Variants in DENND4C observed in about 807,000 individuals in gnomAD.
The protein encoded by DENND4C is DENN domain-containing protein 4C.
A neutral mutation model predicts 203.0 loss-of-function variants in DENND4C; 108 were observed. The ratio of observed to expected loss-of-function variants is 0.53; its 90% CI spans 0.46 to 0.62. DENND4C has a LOEUF of 0.62. DENND4C is among the 20% of genes least tolerant of loss of function. The pLI is 0.00. For missense variants in DENND4C, 2,481 were observed against 2,301.2 expected (o/e 1.08, Z -1.60); for synonymous variants, 871 against 792.4 (o/e 1.10, Z -1.67).
At chr9:19,289,074 G>T (rs2131136973) in intron 4 of DENND4C, among the ~76,000 whole-genome samples, 1 of 152,264 alleles carries the variant, frequency 6.6e-6, no homozygotes, top group Middle Eastern at 3.4e-3. Context: ...GAAACCACAT[G>T]TTACTTGCCA....
Position 19,346,321 on chromosome 9 carries a change from C to G in DENND4C, c.3552C>G (p.Ser1184Arg), listed in dbSNP as rs1205276145. The change falls in exon 23 of 33, where the codon AGC (serine) becomes AGG (arginine). Residue 1184 changes from serine (S) to arginine (R), a missense_variant. Ser to Arg is a moderately radical substitution (Grantham distance 110). Around this residue, in one of 3 missense-constraint regions of DENND4C, gnomAD observed 2,289 missense variants for 2,113.3 expected, o/e 1.08. Coordinates refer to ENST00000434457, the MANE Select transcript of DENND4C (RefSeq NM_001330640.2). ...CGGTGCCAGAGATGCTTGAGGAAAG[C>G]CAAGAACTCCTTGAGCCTGTGGTTG... ...SSPVPEMLEE[S>R]QELLEPVVDD... 6.2e-7 allele frequency: 1 copy of G among 1,614,084 alleles called. No individual in the cohort carries two copies. The highest frequency in any genetic ancestry group is 1.7e-5 in the Admixed American group (1 of 60,004).
At chr9:19,329,310 A>G (rs1335801655) in intron 16 of DENND4C, among the ~76,000 whole-genome samples, 1 of 152,202 alleles carries the variant, frequency 6.6e-6, no homozygotes, top group Admixed American at 6.5e-5. Context: ...GTAGAACTGC[A>G]TAATATGTAT....
chr9:19,252,058 C>T lies in DENND4C; in HGVS notation c.-18+21225C>T, dbSNP rs974445973. Among the ~76,000 whole-genome samples, 11 of 152,246 alleles carry T rather than the reference C, an allele frequency of 7.2e-5. No individual in the cohort carries two copies. In the South Asian group the frequency reaches 8.3e-4, roughly 11 times the overall value. ...AATTTACTGTATTAGTCTGTTCTCA[C>T]GCTGCTAATAAAGGCATACCTGAGA... On this transcript the variant is annotated intron_variant, in intron 1 of 32. Transcript: ENST00000434457.
rs201738187 is a variant in DENND4C, at chr9:19,331,968, C to T, written c.2254-10C>T. 1 of 1,604,822 alleles carries T rather than the reference C, an allele frequency of 6.2e-7. No individual in the cohort carries two copies. The highest frequency in any genetic ancestry group is 8.5e-7 in the Non-Finnish European group (1 of 1,173,816). ...TTAGTAAATATCATAATATTTTATT[C>T]TCTTTCTAGGAAATAAAAACAGCTC... On this transcript the variant is annotated splice_polypyrimidine_tract_variant and intron_variant, in intron 16 of 32. Transcript: ENST00000434457.
chr9:19,309,053 C>T (rs1480652405), intron 10 of DENND4C, among the ~76,000 whole-genome samples: 1 of 152,100 alleles, frequency 6.6e-6, no homozygotes, highest in Non-Finnish European at 1.5e-5. Flanking sequence ...TAGTGATTGC[C>T]TTGGAATGAA....
intron 1 of DENND4C, among the ~76,000 whole-genome samples, chr9:19,233,957 CCTAT>C (rs746958927): frequency 9.9e-5 from 15 of 152,202 alleles, no homozygotes; most frequent in African/African-American, 2.4e-4. Context: ...ATTACTCTCC[CCTAT>C]CTAACACTTA....
At chr9:19,272,945 CTTTTTTTTTTTT>C (rs35973945) in intron 1 of DENND4C, among the ~76,000 whole-genome samples, 2 of 86,610 alleles carry the variant, frequency 2.3e-5, no homozygotes, top group Non-Finnish European at 4.5e-5. Flanking sequence ...TTTTTGTATC[CTTTTTTTTTTTT>C]TTTTTTTTTG....
At chr9:19,360,561 T>TACC (rs1826244640) in intron 29 of DENND4C, 72 bp downstream of exon 29, 27 of 1,568,824 alleles carry the variant, frequency 1.7e-5, no homozygotes, top group Non-Finnish European at 2.1e-5. Context: ...CCTGAAAGTA[T>TACC]ACAACAGTAG....
intron 1 of DENND4C, among the ~76,000 whole-genome samples, chr9:19,268,480 T>A (rs189488258): frequency 6.6e-6 from 1 of 152,316 alleles, no homozygotes; most frequent in Admixed American, 6.5e-5. Context: ...ATTACGGTGT[T>A]AATATTCTCT....
At chr9:19,233,187 A>G (rs1261809819) in intron 1 of DENND4C, among the ~76,000 whole-genome samples, 1 of 152,188 alleles carries the variant, frequency 6.6e-6, no homozygotes, top group Non-Finnish European at 1.5e-5. Flanking sequence ...TTCTGTCATA[A>G]TTTGAATTTC....
At position 19,276,461 on chromosome 9, in the gene DENND4C, C is replaced by T; in HGVS notation, c.287C>T (p.Pro96Leu). The change falls in exon 2 of 33, where the codon CCA becomes CTA. Residue 96 changes from proline to leucine, a missense_variant. Transcript: ENST00000434457. ...TGTTATAAGAGAGGGAGAGATAAAC[C>T]ACCGCTTACAGATATTGGGTATGGT... ...FLCYKRGRDK[P>L]PLTDIGVLYE... 8.1e-7 allele frequency: 1 copy of T among 1,232,018 alleles called. No homozygotes were observed. The highest frequency in any genetic ancestry group is 4.1e-5 in the South Asian group (1 of 24,314). 76.3% of individuals were successfully genotyped at this position (1,232,018 alleles called of 1,614,324 possible).
rs758751945 is a variant in DENND4C at position 19,282,715 on chromosome 9, C to CTCTTTTTTTTT, written c.306-4053_306-4052insCTTTTTTTTTT. ...TTTTCTTTTTCTTTTTTTCTTCTCT[C>CTCTTTTTTTTT]TTTTTTTTTTTTTTTTTTTGAGACA... On this transcript the variant is annotated intron_variant, in intron 2 of 32. Coordinates refer to ENST00000434457, the MANE Select transcript of DENND4C (RefSeq NM_001330640.2). 6.0e-4 allele frequency among the ~76,000 whole-genome samples: 52 copies of CTCTTTTTTTTT among 86,660 alleles called. 3 individuals carry two copies. The South Asian group carries it at 8.8e-3, about 15-fold the overall frequency. The allele number at this position is 86,660 out of a possible 152,430, so 56.9% of individuals were successfully genotyped here.
intron 1 of DENND4C, among the ~76,000 whole-genome samples, chr9:19,240,635 C>T (rs1439068005): frequency 6.6e-6 from 1 of 150,902 alleles, no homozygotes; most frequent in Non-Finnish European, 1.5e-5. Flanking sequence ...CACTTCACTC[C>T]AGCTTGGGCA....
At chr9:19,246,158 A>C (rs1046479871) in intron 1 of DENND4C, among the ~76,000 whole-genome samples, 3 of 152,174 alleles carry the variant, frequency 2.0e-5, no homozygotes, top group African/African-American at 7.2e-5. Flanking sequence ...TGTGGTGTTG[A>C]GTGATAAAAC....
At position 19,352,114 on chromosome 9, in the gene DENND4C, G is replaced by A; in HGVS notation, c.4537G>A (p.Glu1513Lys). The change falls in exon 25 of 33, where the codon GAA (glutamate) becomes AAA (lysine). Residue 1513 changes from glutamate (E) to lysine (K), a missense_variant. By Grantham distance (56) the Glu-to-Lys change is moderately conservative. Around this residue, in one of 3 missense-constraint regions of DENND4C, gnomAD observed 2,289 missense variants for 2,113.3 expected, o/e 1.08. Transcript: ENST00000434457. ...AAGAGGCATGAAAGGGCAAGACTTT[G>A]AAAAATCAGATCATGGTTCTTCTCA... ...FPRGMKGQDF[E>K]KSDHGSSQNT... 6.2e-7 allele frequency: 1 copy of A among 1,613,840 alleles called. No homozygotes were observed. The highest frequency in any genetic ancestry group is 8.5e-7 in the Non-Finnish European group (1 of 1,179,888).
At chr9:19,240,578 A>G (rs1014074405) in intron 1 of DENND4C, among the ~76,000 whole-genome samples, 2 of 152,064 alleles carry the variant, frequency 1.3e-5, no homozygotes, top group African/African-American at 4.8e-5. Flanking sequence ...AGGCAGGAGA[A>G]TCACTTGAAC....
chr9:19,274,879 C>T (rs1464273712), intron 1 of DENND4C, among the ~76,000 whole-genome samples: 1 of 152,130 alleles, frequency 6.6e-6, no homozygotes, highest in African/African-American at 2.4e-5. Flanking sequence ...TCTAAGACTC[C>T]TGTAACTTAA....
intron 23 of DENND4C, 96 bp downstream of exon 23, chr9:19,347,182 C>T (rs1823111410): frequency 8.0e-7 from 1 of 1,246,380 alleles, no homozygotes; most frequent in Non-Finnish European, 1.1e-6. Context: ...TTTCTGTGCC[C>T]AGGCTGGAGT....
At chr9:19,366,447 C>A (rs1827698914) in intron 30 of DENND4C, among the ~76,000 whole-genome samples, 1 of 152,030 alleles carries the variant, frequency 6.6e-6, no homozygotes, top group Non-Finnish European at 1.5e-5. Flanking sequence ...TAAAAAAATA[C>A]AAAAAAATTA....
Sources: allele counts gnomAD v4.1 joint callset (sites outside exome capture counted in the v4.1 genomes callset), GRCh38; gene constraint gnomAD v4.1.1; regional missense constraint gnomAD v4.1.1; transcripts MANE v1.5; gene names NCBI Gene and HGNC (gene_info 2026-07-23, HGNC 2026-07-21).